The following UCK2 variants were observed in gnomAD, a reference collection of about 807,000 sequenced individuals.
The protein encoded by UCK2 is uridine-cytidine kinase 2.
A neutral mutation model predicts 30.8 loss-of-function variants in UCK2; 6 were observed. The observed-to-expected ratio is 0.19, with a 90% CI of 0.11 to 0.38. The LOEUF (loss-of-function observed/expected upper bound fraction) is 0.38, where lower values mean the gene tolerates loss of function less well. UCK2 is among the 10% of genes least tolerant of loss of function. The probability of loss-of-function intolerance (pLI) is 1.00; values close to 1 mark genes in which losing one functional copy is unlikely to be tolerated. For missense variants in UCK2, 210 were observed against 339.8 expected (o/e 0.62, Z 3.00); for synonymous variants, 125 against 133.6 (o/e 0.94, Z 0.45).
At position 165,876,918 on chromosome 1, in the gene UCK2, G is replaced by A. The variant is rs143793519; in HGVS notation, c.100-13286G>A. ...TCTTCACCTTTTCTGTTTCTTAGAA[G>A]GACACATGTCATGGGGTTTAGGGCC... On this transcript the variant is annotated intron_variant, in intron 1 of 6. Transcript: ENST00000367879. Among the ~76,000 whole-genome samples the A allele has an allele frequency of 1.8e-4, 28 of 152,296 alleles. 1 individual carries two copies. Among genetic ancestry groups the A allele is most frequent in the South Asian group, 1.2e-3 (6 of 4,824 alleles).
rs955263957 is a variant in UCK2, at chr1:165,899,937, C to T, written c.500-3245C>T. Among the ~76,000 whole-genome samples, 29 of 152,166 alleles carry T rather than the reference C, an allele frequency of 1.9e-4. 1 individual carries two copies. Among genetic ancestry groups the T allele is most frequent in the African/African-American group, 7.0e-4 (29 of 41,422 alleles). ...GCAAGGCCTTATGATGTTGCATGTT[C>T]CCAGTGTCTGGGCAACATTCTGACC... On this transcript the variant is annotated intron_variant, in intron 4 of 6. Transcript: ENST00000367879.
At chr1:165,883,485 C>T (rs1178641733) in intron 1 of UCK2, among the ~76,000 whole-genome samples, 1 of 152,172 alleles carries the variant, frequency 6.6e-6, no homozygotes, top group South Asian at 2.1e-4. Context: ...GTCCAGGTGC[C>T]TGAGAATAAA....
chr1:165,879,181 G>C (rs1236554213), intron 1 of UCK2, among the ~76,000 whole-genome samples: 1 of 152,294 alleles, frequency 6.6e-6, no homozygotes, highest in East Asian at 1.9e-4. Flanking sequence ...CGAATTTTAA[G>C]AGTTTTGTGT....
At chr1:165,850,682 G>C (rs1252999979) in intron 1 of UCK2, among the ~76,000 whole-genome samples, 1 of 148,674 alleles carries the variant, frequency 6.7e-6, no homozygotes, top group Non-Finnish European at 1.5e-5. Flanking sequence ...GCAGTGGCGA[G>C]ATCTTGGCCC....
intron 1 of UCK2, among the ~76,000 whole-genome samples, chr1:165,850,044 T>C (rs989452025): frequency 1.6e-4 from 24 of 152,356 alleles, no homozygotes; most frequent in African/African-American, 5.3e-4. Context: ...TTGAGATCGC[T>C]ACGTGTCCCA....
chr1:165,843,834 A>G (rs1654384548), intron 1 of UCK2, among the ~76,000 whole-genome samples: 1 of 152,198 alleles, frequency 6.6e-6, no homozygotes. Context: ...TTTAATACTA[A>G]TGGAGTGCCT....
chr1:165,896,217 C>T lies in UCK2; in HGVS notation c.384C>T (p.Pro128=), dbSNP rs761213876. Reference sequence around the variant, plus strand: ...AGGAGGAGACAGTTACTGTCTATCCCGCAGACGTGGTGCTCTTTGAAGGGA... The same window carrying T: ...AGGAGGAGACAGTTACTGTCTATCCTGCAGACGTGGTGCTCTTTGAAGGGA... ...SRKEETVTVY[P]ADVVLFEGIL... The change falls in exon 4 of 7, where the codon CCC becomes CCT. Residue 128 remains proline, a synonymous_variant. Transcript: ENST00000367879. 23 of 1,614,044 alleles carry T rather than the reference C, an allele frequency of 1.4e-5. No individual in the cohort carries two copies. In the South Asian group the frequency reaches 2.1e-4, roughly 15 times the overall value.
chr1:165,904,934 T>C (rs1407055688), intron 5 of UCK2, among the ~76,000 whole-genome samples: 1 of 152,214 alleles, frequency 6.6e-6, no homozygotes, highest in Non-Finnish European at 1.5e-5. Context: ...ACTTTCTTTC[T>C]TTAAAAATTG....
At chr1:165,834,281 T>C (rs1049919418) in intron 1 of UCK2, among the ~76,000 whole-genome samples, 5 of 152,208 alleles carry the variant, frequency 3.3e-5, no homozygotes, top group South Asian at 2.1e-4. Context: ...AATCATGATA[T>C]TCCCATCCTC....
At chr1:165,836,890 A>C (rs1175176205) in intron 1 of UCK2, among the ~76,000 whole-genome samples, 3 of 152,222 alleles carry the variant, frequency 2.0e-5, no homozygotes, top group African/African-American at 7.2e-5. Flanking sequence ...TAAGAAGTCC[A>C]AGATTGAGTG....
chr1:165,846,515 G>C (rs1249583813), intron 1 of UCK2, among the ~76,000 whole-genome samples: 3 of 152,010 alleles, frequency 2.0e-5, no homozygotes, highest in African/African-American at 7.3e-5. Flanking sequence ...GTTTCTCTCT[G>C]GTGGTAGCAG....
intron 3 of UCK2, among the ~76,000 whole-genome samples, chr1:165,892,408 C>A (rs74708120): frequency 0.014 from 2,071 of 152,222 alleles, 47 homozygotes; most frequent in African/African-American, 0.047. Context: ...GGCACTGGAG[C>A]AGAAGCTGGG....
chr1:165,911,442 C>G lies in UCK2; in HGVS notation c.*3619C>G, dbSNP rs1647854150. ...GGTCTTAGAGGCAGGGAGTGCCTAC[C>G]CAGTCCTGCCTCAGGAGCAGGGTGA... On this transcript the variant is annotated 3_prime_UTR_variant, in exon 7 of 7. Transcript: ENST00000367879. The G allele has an allele frequency of 6.6e-6, 1 of 152,154 alleles. No homozygotes were observed. The highest frequency in any genetic ancestry group is 2.4e-5 in the African/African-American group (1 of 41,438). 9.4% of individuals were successfully genotyped at this position (152,154 alleles called of 1,614,324 possible).
intron 1 of UCK2, among the ~76,000 whole-genome samples, chr1:165,875,401 C>T (rs1055329953): frequency 3.3e-5 from 5 of 152,292 alleles, no homozygotes; most frequent in South Asian, 2.1e-4. Flanking sequence ...ACAGTTAACA[C>T]GGAAGACTTC....
chr1:165,857,331 A>G (rs1314766991), intron 1 of UCK2, among the ~76,000 whole-genome samples: 1 of 152,216 alleles, frequency 6.6e-6, no homozygotes, highest in Admixed American at 6.5e-5. Context: ...TAATTTATTC[A>G]GCAAACATTG....
At chr1:165,836,049 G>A (rs1272514037) in intron 1 of UCK2, among the ~76,000 whole-genome samples, 2 of 151,940 alleles carry the variant, frequency 1.3e-5, no homozygotes, top group African/African-American at 2.4e-5. Flanking sequence ...GCCAACATGG[G>A]GAAACCCCGT....
intron 1 of UCK2, among the ~76,000 whole-genome samples, chr1:165,850,833 A>G (rs1220117756): frequency 1.3e-5 from 2 of 150,546 alleles, no homozygotes; most frequent in Non-Finnish European, 3.0e-5. Context: ...CGTGTTAGCC[A>G]GGATGGTCTT....
intron 1 of UCK2, among the ~76,000 whole-genome samples, chr1:165,862,206 G>A (rs770592921): frequency 2.0e-5 from 3 of 152,078 alleles, no homozygotes; most frequent in African/African-American, 7.2e-5. Context: ...TTAGAGTACC[G>A]TAGTCTCAGA....
chr1:165,837,058 G>A (rs1654212568), intron 1 of UCK2, among the ~76,000 whole-genome samples: 1 of 152,066 alleles, frequency 6.6e-6, no homozygotes, highest in African/African-American at 2.4e-5. Flanking sequence ...TAACGAATCT[G>A]CTCCCACGAT....
Sources: allele counts gnomAD v4.1 joint callset (sites outside exome capture counted in the v4.1 genomes callset), GRCh38; gene constraint gnomAD v4.1.1; transcripts MANE v1.5; gene names NCBI Gene and HGNC (gene_info 2026-07-23, HGNC 2026-07-21).